GPC5: variants seen among roughly 807,000 people sequenced by gnomAD.
GPC5 encodes glypican-5.
In GPC5, 47 loss-of-function variants were observed where a neutral mutation model predicts 53.9. The ratio of observed to expected loss-of-function variants is 0.87; its 90% CI spans 0.69 to 1.11. The LOEUF is 1.11. Ranked by LOEUF, GPC5 falls within the 50% of genes most tolerant of loss-of-function variation. GPC5 has a pLI of 0.00. For synonymous variants in GPC5, 286 were observed against 263.3 expected, an observed-to-expected ratio of 1.09 and a Z score of -0.84; for missense variants, 748 against 713.1, an observed-to-expected ratio of 1.05 and a Z score of -0.56.
chr13:92,440,823 C>T (rs77570560), intron 7 of GPC5, among the ~76,000 whole-genome samples: 4,405 of 152,098 alleles, frequency 0.029, 153 homozygotes, highest in East Asian at 0.12. Flanking sequence ...ATTGTGGTTT[C>T]GATTTGCGTT....
At chr13:92,594,626 C>T (rs1883809867) in intron 7 of GPC5, among the ~76,000 whole-genome samples, 1 of 152,334 alleles carries the variant, frequency 6.6e-6, no homozygotes, top group African/African-American at 2.4e-5. Flanking sequence ...TTGACACCAT[C>T]CAATTTTTTC....
intron 7 of GPC5, among the ~76,000 whole-genome samples, chr13:92,295,159 A>G (rs9523613): frequency 0.28 from 43,070 of 151,962 alleles, 6,248 homozygotes; most frequent in Middle Eastern, 0.48. Flanking sequence ...ACTTAGGGCT[A>G]TGAACTTTCC....
chr13:91,484,372 G>A (rs1026534271), intron 2 of GPC5, among the ~76,000 whole-genome samples: 2 of 152,220 alleles, frequency 1.3e-5, no homozygotes, highest in African/African-American at 2.4e-5. Context: ...TATTAAAAAA[G>A]CATGTTTTAT....
chr13:92,206,324 C>G (rs1190067444), intron 7 of GPC5, among the ~76,000 whole-genome samples: 1 of 150,972 alleles, frequency 6.6e-6, no homozygotes, highest in African/African-American at 2.4e-5. Flanking sequence ...GCCACCACGC[C>G]CGGCTAATTT....
At chr13:92,017,606 T>C (rs1654156924) in intron 6 of GPC5, among the ~76,000 whole-genome samples, 1 of 152,190 alleles carries the variant, frequency 6.6e-6, no homozygotes. Context: ...GTTGAACTTC[T>C]GTATTAAAAA....
At chr13:92,275,128 T>C (rs916201139) in intron 7 of GPC5, among the ~76,000 whole-genome samples, 6 of 152,298 alleles carry the variant, frequency 3.9e-5, no homozygotes, top group South Asian at 4.1e-4. Flanking sequence ...TCTTCCTCAC[T>C]AGTTTTCAAA....
At chr13:92,135,311 C>T (rs752797548) in intron 6 of GPC5, among the ~76,000 whole-genome samples, 1 of 152,066 alleles carries the variant, frequency 6.6e-6, no homozygotes, top group Non-Finnish European at 1.5e-5. Flanking sequence ...GAACATTTGG[C>T]GTGTACTCTT....
intron 7 of GPC5, among the ~76,000 whole-genome samples, chr13:92,824,449 C>CT (rs1462064697): frequency 6.6e-5 from 10 of 152,116 alleles, no homozygotes; most frequent in Non-Finnish European, 5.9e-5. Flanking sequence ...TTTCCCTTCT[C>CT]TTGCTTGCTA....
chr13:92,735,652 C>G (rs1165707055), intron 7 of GPC5, among the ~76,000 whole-genome samples: 2 of 151,968 alleles, frequency 1.3e-5, no homozygotes, highest in Admixed American at 6.6e-5. Context: ...TAAATAAACT[C>G]AAGCCCATGT....
At chr13:91,626,582 G>A (rs1427464139) in intron 2 of GPC5, among the ~76,000 whole-genome samples, 10 of 151,960 alleles carry the variant, frequency 6.6e-5, no homozygotes, top group South Asian at 2.1e-4. Context: ...TTGCTCTGGC[G>A]GTCGATATCA....
intron 6 of GPC5, among the ~76,000 whole-genome samples, chr13:92,110,201 A>G (rs1275002452): frequency 6.6e-6 from 1 of 152,154 alleles, no homozygotes; most frequent in African/African-American, 2.4e-5. Context: ...TCAGCACACA[A>G]GCTATCACCA....
intron 7 of GPC5, among the ~76,000 whole-genome samples, chr13:92,695,680 CTT>C (rs1887536608): frequency 6.7e-6 from 1 of 149,392 alleles, no homozygotes; most frequent in Admixed American, 6.7e-5. Flanking sequence ...AAGAAGTTCT[CTT>C]GTATTAAAAA....
chr13:92,861,893 CT>C (rs1192752221), intron 7 of GPC5, among the ~76,000 whole-genome samples: 1 of 152,112 alleles, frequency 6.6e-6, no homozygotes. Flanking sequence ...AAAATTCTAG[CT>C]TATTTTTTCA....
At position 92,088,247 on chromosome 13, in the gene GPC5, C is replaced by T. The variant is rs545037951; in HGVS notation, c.1402-56583C>T. Among the ~76,000 whole-genome samples the T allele has an allele frequency of 3.8e-4, 58 of 152,234 alleles. 1 individual carries two copies. The highest frequency in any genetic ancestry group is 1.4e-3 in the African/African-American group (57 of 41,544). On this transcript the variant is annotated intron_variant, in intron 6 of 7. Coordinates refer to ENST00000377067, the MANE Select transcript of GPC5 (RefSeq NM_004466.6). ...CGTTCCACTCCTTTCACTCAAAGTACCCCATATTTTTGAAGAACGGTGTCA... is the reference window on the plus strand; with the variant it reads ...CGTTCCACTCCTTTCACTCAAAGTATCCCATATTTTTGAAGAACGGTGTCA...
At chr13:92,342,291 CAGT>C (rs2043373497) in intron 7 of GPC5, among the ~76,000 whole-genome samples, 1 of 152,124 alleles carries the variant, frequency 6.6e-6, no homozygotes, top group East Asian at 1.9e-4. Context: ...TGGAATATTG[CAGT>C]AGCCTCCTAA....
intron 7 of GPC5, among the ~76,000 whole-genome samples, chr13:92,170,911 A>C (rs1462572158): frequency 6.6e-6 from 1 of 152,180 alleles, no homozygotes; most frequent in Non-Finnish European, 1.5e-5. Flanking sequence ...AGTAGGAGAC[A>C]CAATAGTAGA....
intron 7 of GPC5, among the ~76,000 whole-genome samples, chr13:92,502,403 C>T (rs1306347975): frequency 1.3e-5 from 2 of 151,694 alleles, no homozygotes; most frequent in African/African-American, 4.8e-5. Context: ...ACTGACTAAA[C>T]ACACATTTTA....
intron 7 of GPC5, among the ~76,000 whole-genome samples, chr13:92,809,071 G>A (rs1400096906): frequency 2.0e-5 from 3 of 152,060 alleles, no homozygotes; most frequent in Admixed American, 6.6e-5. Context: ...GCTAGCATCT[G>A]TTCCCACAGC....
At chr13:92,132,741 A>G (rs1203555683) in intron 6 of GPC5, among the ~76,000 whole-genome samples, 1 of 152,124 alleles carries the variant, frequency 6.6e-6, no homozygotes, top group Non-Finnish European at 1.5e-5. Flanking sequence ...CTAAAGTCAC[A>G]TTCTGAAGTA....
Sources: gnomAD v4.1 joint callset for allele counts (sites outside exome capture counted in the v4.1 genomes callset) on GRCh38, gnomAD v4.1.1 for gene constraint, MANE v1.5 for transcripts, NCBI Gene and HGNC (gene_info 2026-07-23, HGNC 2026-07-21) for gene names.